The following MEIS1 variants were observed in gnomAD, a reference collection of about 807,000 sequenced individuals.
MEIS1 encodes homeobox protein Meis1.
Under a neutral mutation model 50.8 loss-of-function variants are expected in MEIS1, and 5 were observed. The observed-to-expected ratio is 0.10, with a 90% CI of 0.05 to 0.21. MEIS1 has a LOEUF of 0.21. Among genes scored for constraint, MEIS1 ranks in the 10% least tolerant of loss-of-function variants. The pLI, the probability that MEIS1 is intolerant of heterozygous loss-of-function variation, is 1.00. For synonymous variants in MEIS1, 176 were observed against 179.3 expected (o/e 0.98, Z 0.15); for missense variants, 318 against 517.3 (o/e 0.61, Z 3.74).
intron 8 of MEIS1, among the ~76,000 whole-genome samples, chr2:66,527,962 T>G (rs1261488381): frequency 1.3e-5 from 2 of 152,098 alleles, no homozygotes; most frequent in Non-Finnish European, 2.9e-5. Context: ...CTATGATGTT[T>G]GAAAAGGGCA....
intron 7 of MEIS1, among the ~76,000 whole-genome samples, chr2:66,467,122 T>G (rs1367512516): frequency 6.6e-6 from 1 of 152,058 alleles, no homozygotes; most frequent in Non-Finnish European, 1.5e-5. Flanking sequence ...GTAGATAAAA[T>G]GAAATAAGTT....
At chr2:66,476,119 A>G (rs6730722) in intron 7 of MEIS1, among the ~76,000 whole-genome samples, 24,199 of 152,100 alleles carry the variant, frequency 0.16, 4,615 homozygotes, top group African/African-American at 0.46. Flanking sequence ...GGTTAATGGA[A>G]CCAGAGAGAT....
chr2:66,563,501 T>G (rs556420457), intron 9 of MEIS1, among the ~76,000 whole-genome samples: 2 of 152,304 alleles, frequency 1.3e-5, no homozygotes, highest in East Asian at 3.9e-4. Context: ...GATTTTAAAG[T>G]GACAATATGT....
At chr2:66,528,853 A>T (rs933214127) in intron 8 of MEIS1, among the ~76,000 whole-genome samples, 2 of 152,098 alleles carry the variant, frequency 1.3e-5, no homozygotes, top group African/African-American at 2.4e-5. Flanking sequence ...TGTGCCACTC[A>T]AGGACCCCTT....
intron 8 of MEIS1, among the ~76,000 whole-genome samples, chr2:66,523,271 A>G (rs1480528093): frequency 1.3e-5 from 2 of 152,254 alleles, no homozygotes; most frequent in African/African-American, 2.4e-5. Flanking sequence ...TTTGCCTCAT[A>G]GACTTCAGGA....
rs142249554 is a variant in MEIS1 at position 66,506,020 on chromosome 2, G to A, written c.743-6129G>A. On this transcript the variant is annotated intron_variant, in intron 7 of 12. Coordinates refer to ENST00000272369, the MANE Select transcript of MEIS1 (RefSeq NM_002398.3). ...CAAACTATGGTTTTCTTCCTACAGCGAAAAAGATACATTCATTTATTCATT... is the reference window on the plus strand; with the variant it reads ...CAAACTATGGTTTTCTTCCTACAGCAAAAAAGATACATTCATTTATTCATT... 4.5e-4 allele frequency among the ~76,000 whole-genome samples: 69 copies of A among 152,264 alleles called. No individual in the cohort carries two copies. The East Asian group carries it at 0.012, about 26-fold the overall frequency.
rs1298402003 is a variant in MEIS1, at chr2:66,439,520, T to G, written c.240-323T>G. 3 of 1,479,480 alleles carry G rather than the reference T, an allele frequency of 2.0e-6. No homozygotes were observed. The African/African-American group carries it at 4.2e-5, about 21-fold the overall frequency. The allele number at this position is 1,479,480 out of a possible 1,614,324, so 91.6% of individuals were successfully genotyped here. A position where few individuals can be genotyped will look rare whatever the true frequency, so the allele number is the denominator to read the frequency against. On this transcript the variant is annotated intron_variant, in intron 2 of 12. Transcript: ENST00000272369. ...GTGGAGGGGACGAGGGCTTGTCGGG[T>G]GGGAAACTTAATTCAAAATGGCTGC...
At chr2:66,523,180 T>G (rs1674168515) in intron 8 of MEIS1, among the ~76,000 whole-genome samples, 1 of 152,204 alleles carries the variant, frequency 6.6e-6, no homozygotes, top group Non-Finnish European at 1.5e-5. Flanking sequence ...ACAGTTGCCG[T>G]TTATGTACTG....
intron 7 of MEIS1, among the ~76,000 whole-genome samples, chr2:66,491,009 T>C (rs1250348247): frequency 6.6e-6 from 1 of 152,060 alleles, no homozygotes; most frequent in African/African-American, 2.4e-5. Flanking sequence ...TTCCTGTTGC[T>C]TGCTTTTAAA....
intron 6 of MEIS1, chr2:66,443,797 G>C (rs533482276): frequency 6.6e-6 from 1 of 152,484 alleles, no homozygotes; most frequent in Non-Finnish European, 1.5e-5. Flanking sequence ...GCACCCCGGC[G>C]GCTCCCTGGG....
At chr2:66,529,569 T>A (rs1674339936) in intron 8 of MEIS1, among the ~76,000 whole-genome samples, 1 of 152,182 alleles carries the variant, frequency 6.6e-6, no homozygotes, top group Admixed American at 6.5e-5. Context: ...CCTGAGTAGC[T>A]GGGACTGTAG....
In MEIS1 at chr2:66,488,602, C is replaced by T. The variant is rs548323082; in HGVS notation, c.743-23547C>T. On this transcript the variant is annotated intron_variant, in intron 7 of 12. Coordinates refer to ENST00000272369, the MANE Select transcript of MEIS1 (RefSeq NM_002398.3). ...CTGAGGCAGGAGAATGGCATGAACC[C>T]GGGAGGCAGAGCTTGCAGTGAGCCG... 2.0e-5 allele frequency among the ~76,000 whole-genome samples: 3 copies of T among 152,136 alleles called. No homozygotes were observed. In the South Asian group the frequency reaches 6.2e-4, roughly 32 times the overall value.
At chr2:66,481,850 CTTTTTTTTTTTTT>C (rs996753363) in intron 7 of MEIS1, among the ~76,000 whole-genome samples, 6 of 90,178 alleles carry the variant, frequency 6.7e-5, no homozygotes, top group African/African-American at 2.4e-4. Flanking sequence ...TCTGATATTT[CTTTTTTTTTTTTT>C]TTTTTTTTTT....
At chr2:66,560,192 T>G (rs1427561147) in intron 9 of MEIS1, among the ~76,000 whole-genome samples, 1 of 151,700 alleles carries the variant, frequency 6.6e-6, no homozygotes, top group African/African-American at 2.4e-5. Flanking sequence ...TGATGAATTA[T>G]TTGAAATTTA....
In MEIS1 at chr2:66,489,360, G is replaced by C. The variant is rs78236089; in HGVS notation, c.743-22789G>C. ...GTACAATTAGCCTCTGTAAATATTT[G>C]AACTCCTTTGTAGTTGAAACACTCT... On this transcript the variant is annotated intron_variant, in intron 7 of 12. Coordinates refer to ENST00000272369, the MANE Select transcript of MEIS1 (RefSeq NM_002398.3). 8.0e-3 allele frequency among the ~76,000 whole-genome samples: 1,217 copies of C among 152,246 alleles called. 12 individuals are homozygous for C. Among genetic ancestry groups the C allele is most frequent in the Non-Finnish European group, 0.012 (826 of 68,006 alleles).
chr2:66,447,837 C>CT (rs1672188692), intron 6 of MEIS1, among the ~76,000 whole-genome samples: 1 of 152,184 alleles, frequency 6.6e-6, no homozygotes. Flanking sequence ...CTGTCTCCCT[C>CT]TTTCTCTTTC....
At chr2:66,461,535 C>A (rs1672517278) in intron 6 of MEIS1, among the ~76,000 whole-genome samples, 1 of 152,212 alleles carries the variant, frequency 6.6e-6, no homozygotes, top group Admixed American at 6.5e-5. Context: ...TTAGATTTCA[C>A]TTCAGAGAAG....
intron 8 of MEIS1, among the ~76,000 whole-genome samples, chr2:66,520,270 C>G (rs935186231): frequency 6.6e-6 from 1 of 150,948 alleles, no homozygotes; most frequent in Non-Finnish European, 1.5e-5. Flanking sequence ...GTCAGGAGAT[C>G]GAGACCATCC....
intron 8 of MEIS1, among the ~76,000 whole-genome samples, chr2:66,541,354 C>G (rs1572891204): frequency 6.6e-6 from 1 of 152,040 alleles, no homozygotes; most frequent in East Asian, 1.9e-4. Flanking sequence ...TAGTATTGGT[C>G]TCTTATAATT....
Sources: allele counts gnomAD v4.1 joint callset (sites outside exome capture counted in the v4.1 genomes callset), GRCh38; gene constraint gnomAD v4.1.1; transcripts MANE v1.5; gene names NCBI Gene and HGNC (gene_info 2026-07-23, HGNC 2026-07-21).